Variants in PTPRE observed in about 807,000 individuals in gnomAD.
PTPRE encodes the protein receptor-type tyrosine-protein phosphatase epsilon.
PTPRE carries 51 observed loss-of-function variants against 102.0 expected under a neutral mutation model. That is an observed-to-expected ratio of 0.50 (90% CI 0.40 to 0.63). The LOEUF is 0.63. Ranked by LOEUF, PTPRE falls within the 30% of genes least tolerant of loss-of-function variation. The probability of loss-of-function intolerance (pLI) is 0.00; values close to 1 mark genes in which losing one functional copy is unlikely to be tolerated. For missense variants in PTPRE, 752 were observed against 915.1 expected, an observed-to-expected ratio of 0.82 and a Z score of 2.30; for synonymous variants, 345 against 348.2, an observed-to-expected ratio of 0.99 and a Z score of 0.10.
chr10:127,909,052 A>C (rs1473755074), intron 1 of PTPRE, among the ~76,000 whole-genome samples: 1 of 152,194 alleles, frequency 6.6e-6, no homozygotes, highest in Non-Finnish European at 1.5e-5. Context: ...AGTCACACAG[A>C]GGCCACCTCT....
At chr10:128,017,670 G>A (rs1055441973) in intron 2 of PTPRE, among the ~76,000 whole-genome samples, 46 of 152,210 alleles carry the variant, frequency 3.0e-4, no homozygotes, top group East Asian at 9.7e-4. Context: ...CATTCTGTGG[G>A]TTTGGACAGA....
intron 7 of PTPRE, among the ~76,000 whole-genome samples, chr10:128,058,498 A>G (rs968705535): frequency 3.3e-5 from 5 of 152,228 alleles, no homozygotes; most frequent in African/African-American, 4.8e-5. Context: ...CTGGGGGACC[A>G]GGACGTGGCA....
intron 6 of PTPRE, 65 bp from the exon 7 acceptor site, chr10:128,056,058 G>A: frequency 7.7e-7 from 1 of 1,300,690 alleles, no homozygotes. Flanking sequence ...GCTCAGTAGG[G>A]AAACTGACAT....
At position 127,944,531 on chromosome 10, in the gene PTPRE, A is replaced by G. The variant is rs376383027; in HGVS notation, c.-31+37222A>G. Among the ~76,000 whole-genome samples, 19 of 31,684 alleles carry G rather than the reference A, an allele frequency of 6.0e-4. No homozygotes were observed. The highest frequency in any genetic ancestry group is 1.0e-3 in the Non-Finnish European group (14 of 13,606). The allele number at this position is 31,684 out of a possible 152,430, so 20.8% of individuals were successfully genotyped here. ...GGATGGATGGGTGGATGGATGGATAAATGGATGGATGGATAAGTGGATGGA... is the reference window on the plus strand; with the variant it reads ...GGATGGATGGGTGGATGGATGGATAGATGGATGGATGGATAAGTGGATGGA... On this transcript the variant is annotated intron_variant, in intron 1 of 20. Coordinates refer to ENST00000254667, the MANE Select transcript of PTPRE (RefSeq NM_006504.6). This position sits in a 1 kb window ranked among gnomAD's most constrained non-coding sequence, Gnocchi z 4.2.
chr10:127,958,656 G>GT (rs1378371023), intron 1 of PTPRE, among the ~76,000 whole-genome samples: 1 of 151,538 alleles, frequency 6.6e-6, no homozygotes, highest in Non-Finnish European at 1.5e-5. Context: ...TAGTGTTGTT[G>GT]TTTTTTTTCT....
At chr10:127,922,755 G>A (rs1846699799) in intron 1 of PTPRE, among the ~76,000 whole-genome samples, 1 of 152,234 alleles carries the variant, frequency 6.6e-6, no homozygotes, top group Non-Finnish European at 1.5e-5. Flanking sequence ...ACCAAGGTGG[G>A]TGGGCTGAGA....
intron 1 of PTPRE, among the ~76,000 whole-genome samples, chr10:127,915,912 A>G (rs916686960): frequency 3.3e-5 from 5 of 152,062 alleles, no homozygotes; most frequent in African/African-American, 9.7e-5. Flanking sequence ...TCTATTTACA[A>G]GGGGTTCATC....
chr10:128,081,125 T>C (rs1225002671), intron 20 of PTPRE, among the ~76,000 whole-genome samples: 1 of 144,542 alleles, frequency 6.9e-6, no homozygotes, highest in Non-Finnish European at 1.5e-5. Context: ...CTGCCAGATC[T>C]AACATTTGGC....
At chr10:128,078,086 G>T (rs1851382962) in intron 19 of PTPRE, among the ~76,000 whole-genome samples, 1 of 152,202 alleles carries the variant, frequency 6.6e-6, no homozygotes, top group Non-Finnish European at 1.5e-5. Context: ...TCAAAAAATT[G>T]CCAGGCAGGG....
chr10:128,079,520 G>A (rs1250226292), intron 19 of PTPRE, 40 bp from the exon 20 acceptor site: 3 of 1,600,862 alleles, frequency 1.9e-6, no homozygotes, highest in Admixed American at 3.4e-5. Flanking sequence ...ATCCCCAAGT[G>A]CAAGTCGGAT....
intron 16 of PTPRE, among the ~76,000 whole-genome samples, chr10:128,073,132 G>A (rs1404532233): frequency 1.3e-5 from 2 of 152,206 alleles, no homozygotes; most frequent in Non-Finnish European, 2.9e-5. Flanking sequence ...GCTGACGGTG[G>A]CCGTTATGGT....
At chr10:127,976,149 A>C (rs930999682) in intron 1 of PTPRE, among the ~76,000 whole-genome samples, 1 of 152,144 alleles carries the variant, frequency 6.6e-6, no homozygotes, top group Non-Finnish European at 1.5e-5. Context: ...GATTTTTTTA[A>C]AAAACATGAC....
At position 127,939,962 on chromosome 10, in the gene PTPRE, G is replaced by T. The variant is rs375040456; in HGVS notation, c.-31+32653G>T. On this transcript the variant is annotated intron_variant, in intron 1 of 20. Coordinates refer to ENST00000254667, the MANE Select transcript of PTPRE (RefSeq NM_006504.6). ...CAGGAGGAGGCAGGTGAGGGCAGGC[G>T]CAGGCAGATGTGGGCGGGTGGAGGC... Among the ~76,000 whole-genome samples, 39 of 151,604 alleles carry T rather than the reference G, an allele frequency of 2.6e-4. No homozygotes were observed. The East Asian group carries it at 4.9e-3, about 19-fold the overall frequency.
At chr10:128,015,373 T>C (rs1249531287) in intron 2 of PTPRE, among the ~76,000 whole-genome samples, 1 of 138,426 alleles carries the variant, frequency 7.2e-6, no homozygotes, top group African/African-American at 2.7e-5. Context: ...GGAAGACCTC[T>C]TTTTTTTTTT....
chr10:127,938,672 C>T (rs540007394), intron 1 of PTPRE, among the ~76,000 whole-genome samples: 1 of 152,088 alleles, frequency 6.6e-6, no homozygotes, highest in African/African-American at 2.4e-5. Context: ...TATTTCACAT[C>T]GATATTACTT....
intron 1 of PTPRE, among the ~76,000 whole-genome samples, chr10:127,966,615 G>A (rs940319498): frequency 7.9e-5 from 12 of 152,064 alleles, no homozygotes; most frequent in African/African-American, 2.4e-5. Context: ...GATGGTCCTG[G>A]GCAAAGCAAG....
At chr10:128,075,022 T>C (rs1851111637) in intron 17 of PTPRE, among the ~76,000 whole-genome samples, 1 of 152,242 alleles carries the variant, frequency 6.6e-6, no homozygotes, top group African/African-American at 2.4e-5. Flanking sequence ...CGTAGACTGT[T>C]GTTTAGTTTT....
At chr10:127,926,552 C>T (rs1847022225) in intron 1 of PTPRE, among the ~76,000 whole-genome samples, 1 of 152,172 alleles carries the variant, frequency 6.6e-6, no homozygotes, top group Non-Finnish European at 1.5e-5. Context: ...TCCTGGATAA[C>T]AGCATGCCGG....
intron 1 of PTPRE, among the ~76,000 whole-genome samples, chr10:127,925,996 A>C (rs963789305): frequency 6.6e-6 from 1 of 152,248 alleles, no homozygotes; most frequent in Admixed American, 6.5e-5. Context: ...ATTGTGCTTT[A>C]TATACACTGG....
Sources: allele counts gnomAD v4.1 joint callset (sites outside exome capture counted in the v4.1 genomes callset), GRCh38; gene constraint gnomAD v4.1.1; non-coding constraint Gnocchi (gnomAD v3.1); transcripts MANE v1.5; gene names NCBI Gene and HGNC (gene_info 2026-07-23, HGNC 2026-07-21).